The following PYROXD1 variants were observed in gnomAD, a reference collection of about 807,000 sequenced individuals.
PYROXD1 encodes the protein tRNA ligase complex-associated NAD(P)H dehydrogenase PYROXD1.
Under a neutral mutation model 62.0 loss-of-function variants are expected in PYROXD1, and 42 were observed. The ratio of observed to expected loss-of-function variants is 0.68; its 90% CI spans 0.53 to 0.88. The LOEUF is 0.88. Ranked by LOEUF, PYROXD1 falls within the 40% of genes least tolerant of loss-of-function variation. The pLI is 0.00. For synonymous variants in PYROXD1, 170 were observed against 206.4 expected (o/e 0.82, Z 1.51); for missense variants, 493 against 604.8 (o/e 0.82, Z 1.94).
chr12:21,442,509 G>A (rs1942314399), intron 2 of PYROXD1, among the ~76,000 whole-genome samples: 4 of 152,200 alleles, frequency 2.6e-5, no homozygotes, highest in Admixed American at 2.6e-4. Flanking sequence ...GTGCAAACTA[G>A]CTTACTATGG....
At chr12:21,457,384 C>T (rs1942617221) in intron 7 of PYROXD1, among the ~76,000 whole-genome samples, 1 of 151,172 alleles carries the variant, frequency 6.6e-6, no homozygotes, top group African/African-American at 2.4e-5. Context: ...TGTCTGAGTT[C>T]TTGGGTGACC....
Position 21,456,022 on chromosome 12 carries a change from C to T in PYROXD1, c.677C>T (p.Ser226Phe). The change falls in exon 7 of 12, where the codon TCT becomes TTT. Residue 226 changes from serine to phenylalanine, a missense_variant. Around this residue, in one of 2 missense-constraint regions of PYROXD1, gnomAD observed 329 missense variants for 446.6 expected, o/e 0.74. Transcript: ENST00000240651. ...AGGAAAAAGGAAGCTAGAAGCAAAT[C>T]TAAAGCAGATAATGTAGGAAGTGCA... is the stretch of plus-strand genomic sequence containing the variant. The part of the protein sequence containing the change: ...EGRKKEARSK[S>F]KADNVGSALG... 1 of 1,610,548 alleles carries T rather than the reference C, an allele frequency of 6.2e-7. No homozygotes were observed. Among genetic ancestry groups the T allele is most frequent in the Non-Finnish European group, 8.5e-7 (1 of 1,178,020 alleles).
At chr12:21,442,724 G>A (rs1472654666) in intron 2 of PYROXD1, among the ~76,000 whole-genome samples, 1 of 152,176 alleles carries the variant, frequency 6.6e-6, no homozygotes, top group Non-Finnish European at 1.5e-5. Context: ...CCCACTCTAG[G>A]GTTCCCTGGC....
In PYROXD1 at chr12:21,461,992, T is replaced by C. The variant is rs750641747; in HGVS notation, c.881-16T>C. 1 of 1,559,336 alleles carries C rather than the reference T, an allele frequency of 6.4e-7. No homozygotes were observed. On this transcript the variant is annotated splice_polypyrimidine_tract_variant and intron_variant, in intron 8 of 11. Coordinates refer to ENST00000240651, the MANE Select transcript of PYROXD1 (RefSeq NM_024854.5). ...TTACAAATAAAGTCTGTTTTTTTGG[T>C]TTTTTTTTCTTAAAGAGATGTGGCC...
intron 2 of PYROXD1, among the ~76,000 whole-genome samples, chr12:21,442,183 G>T (rs1293462254): frequency 6.6e-6 from 1 of 152,194 alleles, no homozygotes; most frequent in African/African-American, 2.4e-5. Flanking sequence ...AGCAGCGCTG[G>T]TGTCTGATAA....
chr12:21,456,101 T>A lies in PYROXD1; in HGVS notation c.750+6T>A. On this transcript the variant is annotated splice_donor_region_variant and intron_variant, in intron 7 of 11. Coordinates refer to ENST00000240651, the MANE Select transcript of PYROXD1 (RefSeq NM_024854.5). Reference sequence around the variant, plus strand: ...ATCTTAAAGGAACAAAAGAGGTATCTTTTCATATACTAATTGGTCATGTCT... The same window carrying A: ...ATCTTAAAGGAACAAAAGAGGTATCATTTCATATACTAATTGGTCATGTCT... 6.6e-7 allele frequency: 1 copy of A among 1,526,184 alleles called. No individual in the cohort carries two copies. Among genetic ancestry groups the A allele is most frequent in the Non-Finnish European group, 9.0e-7 (1 of 1,105,814 alleles). The allele number at this position is 1,526,184 out of a possible 1,614,324, so 94.5% of individuals were successfully genotyped here. A position where few individuals can be genotyped will look rare whatever the true frequency, so the allele number is the denominator to read the frequency against.
At chr12:21,465,137 C>T (rs1263840784) in intron 10 of PYROXD1, among the ~76,000 whole-genome samples, 1 of 152,134 alleles carries the variant, frequency 6.6e-6, no homozygotes, top group Non-Finnish European at 1.5e-5. Context: ...CATACGTGTG[C>T]ATGTGTCTTT....
chr12:21,443,018 G>GT (rs1445727798), intron 2 of PYROXD1, among the ~76,000 whole-genome samples: 2 of 151,404 alleles, frequency 1.3e-5, no homozygotes, highest in African/African-American at 2.4e-5. Context: ...GTCTATATTT[G>GT]TTTTTTTTAA....
At position 21,445,472 on chromosome 12, in the gene PYROXD1, A is replaced by T; in HGVS notation, c.285+6A>T. ...AACTGAAGAGTGAAGAACACGTAAG[A>T]TAATTGTTTTCTTAATAACATTTTC... On this transcript the variant is annotated splice_donor_region_variant and intron_variant, in intron 3 of 11. Transcript: ENST00000240651. 1.3e-6 allele frequency: 2 copies of T among 1,580,436 alleles called. No homozygotes were observed. Among genetic ancestry groups the T allele is most frequent in the African/African-American group, 1.4e-5 (1 of 73,080 alleles).
chr12:21,470,739 C>G lies in PYROXD1; in HGVS notation c.*1985C>G, dbSNP rs1942929470. ...AATTAGATATTCAAACGGAGTCCTCCCATTCCAAGAAACTGGAAACCCCTA... is the reference window on the plus strand; with the variant it reads ...AATTAGATATTCAAACGGAGTCCTCGCATTCCAAGAAACTGGAAACCCCTA... On this transcript the variant is annotated 3_prime_UTR_variant, in exon 12 of 12. Transcript: ENST00000240651. 2.8e-6 allele frequency: 1 copy of G among 350,946 alleles called. No individual in the cohort carries two copies. The highest frequency in any genetic ancestry group is 5.0e-6 in the Non-Finnish European group (1 of 201,624). 21.7% of individuals were successfully genotyped at this position (350,946 alleles called of 1,614,324 possible). A position where few individuals can be genotyped will look rare whatever the true frequency, so the allele number is the denominator to read the frequency against.
chr12:21,450,493 A>G (rs770781585), intron 4 of PYROXD1, among the ~76,000 whole-genome samples: 2 of 152,140 alleles, frequency 1.3e-5, no homozygotes, highest in African/African-American at 2.4e-5. Flanking sequence ...TAGATAAACT[A>G]TCCCAATAAG....
intron 2 of PYROXD1, chr12:21,441,443 ACTT>A (rs71444123): frequency 0.49 from 74,436 of 151,440 alleles, 18,299 homozygotes; most frequent in Middle Eastern, 0.58. Context: ...TTAATTCCCT[ACTT>A]CTATGTTCTT....
intron 5 of PYROXD1, chr12:21,454,664 C>G (rs941246454): frequency 2.6e-5 from 4 of 151,962 alleles, no homozygotes; most frequent in Non-Finnish European, 4.4e-5. Context: ...TTTCCATTTT[C>G]TATCCCTTTC....
intron 2 of PYROXD1, among the ~76,000 whole-genome samples, chr12:21,442,605 A>G (rs989087825): frequency 2.0e-5 from 3 of 151,292 alleles, no homozygotes; most frequent in Non-Finnish European, 3.0e-5. Flanking sequence ...CAGAGTGACC[A>G]TGGCCCTGGG....
chr12:21,467,404 G>A, intron 10 of PYROXD1, 77 bp from the exon 11 acceptor site: 1 of 1,385,568 alleles, frequency 7.2e-7, no homozygotes, highest in Non-Finnish European at 9.9e-7. Flanking sequence ...ACTCCTTTAA[G>A]TGAATTTACA....
intron 1 of PYROXD1, chr12:21,438,182 C>T (rs1443809798): frequency 1.6e-5 from 3 of 186,056 alleles, no homozygotes; most frequent in Non-Finnish European, 3.4e-5. Flanking sequence ...ACTCTGTCGC[C>T]CAGACTGGAG....
Position 21,440,424 on chromosome 12 carries a change from TA to T in PYROXD1, c.144del (p.Ala49GlnfsTer25). Reference sequence around the variant, plus strand: ...TCTTGGTAACAGCTTCTCCTGTTATTAAAGCAGTTACAAATTTCAAGCAGGT... The same window carrying T: ...TCTTGGTAACAGCTTCTCCTGTTATTAAGCAGTTACAAATTTCAAGCAGGT... ...ILLVTASPVI[K>X]AVTNFKQISK... On this transcript the variant is annotated frameshift_variant, in exon 2 of 12. Transcript: ENST00000240651. LOFTEE classifies it high-confidence loss of function. 6.3e-7 allele frequency: 1 copy of T among 1,598,092 alleles called. No homozygotes were observed. Among genetic ancestry groups the T allele is most frequent in the Non-Finnish European group, 8.5e-7 (1 of 1,170,920 alleles).
intron 6 of PYROXD1, among the ~76,000 whole-genome samples, chr12:21,455,522 C>G (rs1388763402): frequency 6.6e-6 from 1 of 150,912 alleles, no homozygotes; most frequent in Non-Finnish European, 1.5e-5. Context: ...CTCAGCCCAT[C>G]TGCATCTTTG....
At chr12:21,455,036 C>A (rs1942569400) in intron 5 of PYROXD1, 96 bp from the exon 6 acceptor site, 1 of 574,426 alleles carries the variant, frequency 1.7e-6, no homozygotes, top group South Asian at 6.0e-5. Flanking sequence ...AAAATGTATT[C>A]CCTACTTTTG....
Sources: allele counts gnomAD v4.1 joint callset (sites outside exome capture counted in the v4.1 genomes callset), GRCh38; gene constraint gnomAD v4.1.1; regional missense constraint gnomAD v4.1.1; transcripts MANE v1.5; gene names NCBI Gene and HGNC (gene_info 2026-07-23, HGNC 2026-07-21).